STK39: variants seen among roughly 807,000 people sequenced by gnomAD.
STK39 encodes the protein serine/threonine kinase 39, also known as STE20/SPS1-related proline-alanine-rich protein kinase.
Under a neutral mutation model 77.8 loss-of-function variants are expected in STK39, and 20 were observed. The observed-to-expected ratio is 0.26, with a 90% CI of 0.18 to 0.37. The LOEUF is 0.37. Among genes scored for constraint, STK39 ranks in the 10% least tolerant of loss-of-function variants. The pLI, the probability that STK39 is intolerant of heterozygous loss-of-function variation, is 1.00. For synonymous variants in STK39, 246 were observed against 234.1 expected (o/e 1.05, Z -0.47); for missense variants, 479 against 656.5 (o/e 0.73, Z 2.95).
At chr2:168,061,941 G>A (rs1685676029) in intron 14 of STK39, among the ~76,000 whole-genome samples, 1 of 152,142 alleles carries the variant, frequency 6.6e-6, no homozygotes, top group African/African-American at 2.4e-5. Context: ...GAGAATTACA[G>A]CCCATAGGAG....
intron 14 of STK39, among the ~76,000 whole-genome samples, chr2:168,044,412 T>C (rs1685186418): frequency 6.6e-6 from 1 of 152,214 alleles, no homozygotes. Flanking sequence ...GGTGATTTAC[T>C]GAACATCATA....
At chr2:167,992,308 A>G (rs1248599278) in intron 16 of STK39, among the ~76,000 whole-genome samples, 1 of 152,044 alleles carries the variant, frequency 6.6e-6, no homozygotes, top group Non-Finnish European at 1.5e-5. Context: ...TTTGTTCAGC[A>G]GCTCCCCCAA....
At chr2:168,106,572 C>CTA (rs1686979524) in intron 10 of STK39, among the ~76,000 whole-genome samples, 1 of 152,166 alleles carries the variant, frequency 6.6e-6, no homozygotes, top group Admixed American at 6.5e-5. Flanking sequence ...ATAATCCCAG[C>CTA]ACTTTGGGAG....
At chr2:168,099,091 G>A (rs1335587523) in intron 10 of STK39, among the ~76,000 whole-genome samples, 1 of 152,220 alleles carries the variant, frequency 6.6e-6, no homozygotes, top group African/African-American at 2.4e-5. Flanking sequence ...CTCCAGCCAT[G>A]TGAGTGGCAA....
intron 16 of STK39, among the ~76,000 whole-genome samples, chr2:167,967,452 A>G (rs1346500877): frequency 6.6e-6 from 1 of 151,412 alleles, no homozygotes; most frequent in Non-Finnish European, 1.5e-5. Context: ...TTTTTTTTCT[A>G]TTTTTTTGTT....
intron 1 of STK39, among the ~76,000 whole-genome samples, chr2:168,203,705 G>A (rs757047099): frequency 2.6e-5 from 4 of 152,188 alleles, no homozygotes; most frequent in Non-Finnish European, 5.9e-5. Flanking sequence ...CAATTCTCCT[G>A]TCTCAGCCTC....
chr2:168,012,796 A>C, intron 15 of STK39, 94 bp from the exon 16 acceptor site: 9 of 992,782 alleles, frequency 9.1e-6, no homozygotes, highest in African/African-American at 1.7e-5. Context: ...ATTTACTAAA[A>C]TCGCCCATGA....
intron 1 of STK39, among the ~76,000 whole-genome samples, chr2:168,192,491 T>C (rs1272295557): frequency 6.6e-6 from 1 of 152,188 alleles, no homozygotes; most frequent in African/African-American, 2.4e-5. Flanking sequence ...ACTTTCCAAA[T>C]GTTCGCTCTG....
chr2:168,100,176 A>T lies in STK39; in HGVS notation c.1090-24945T>A, dbSNP rs142434750. ...ATTTCAAGGTTTATATTGCACTCAC[A>T]ATTGGGAAACTTGAAAATCATTACA... On this transcript the variant is annotated intron_variant, in intron 10 of 17. Coordinates refer to ENST00000355999, the MANE Select transcript of STK39 (RefSeq NM_013233.3). Among the ~76,000 whole-genome samples, 465 of 152,306 alleles carry T rather than the reference A, an allele frequency of 3.1e-3. 2 individuals are homozygous for T. The highest frequency in any genetic ancestry group is 0.01 in the African/African-American group (436 of 41,554).
chr2:168,175,999 T>TA (rs1462540398), intron 2 of STK39, among the ~76,000 whole-genome samples: 1 of 152,176 alleles, frequency 6.6e-6, no homozygotes, highest in Non-Finnish European at 1.5e-5. Flanking sequence ...ATCCTTAATA[T>TA]AAAAAACTCT....
At chr2:168,167,586 A>C (rs1454849530) in intron 2 of STK39, among the ~76,000 whole-genome samples, 179 bp from the exon 3 acceptor site, 1 of 152,114 alleles carries the variant, frequency 6.6e-6, no homozygotes, top group Non-Finnish European at 1.5e-5. Context: ...CACATTATCA[A>C]CTCAGATTAG....
chr2:168,135,945 T>C (rs955482555), intron 8 of STK39, among the ~76,000 whole-genome samples: 2 of 151,718 alleles, frequency 1.3e-5, no homozygotes, highest in Non-Finnish European at 2.9e-5. Flanking sequence ...AAGGAAAGAT[T>C]TGAAGATTTT....
chr2:168,136,602 A>C (rs2105522087), intron 8 of STK39, among the ~76,000 whole-genome samples: 1 of 152,316 alleles, frequency 6.6e-6, no homozygotes, highest in South Asian at 2.1e-4. Flanking sequence ...AAGAATCAGG[A>C]AGACCATCTA....
At chr2:167,992,136 A>G (rs192001531) in intron 16 of STK39, among the ~76,000 whole-genome samples, 5 of 152,334 alleles carry the variant, frequency 3.3e-5, no homozygotes, top group Admixed American at 2.6e-4. Context: ...CCTGGGAGAT[A>G]ACATAACTCA....
At chr2:168,225,277 G>A (rs985485684) in intron 1 of STK39, among the ~76,000 whole-genome samples, 1 of 106,818 alleles carries the variant, frequency 9.4e-6, no homozygotes, top group Non-Finnish European at 2.3e-5. Flanking sequence ...AATATCCATG[G>A]AGAAGATACT....
chr2:168,222,571 A>G (rs1394542090), intron 1 of STK39, among the ~76,000 whole-genome samples: 3 of 152,220 alleles, frequency 2.0e-5, no homozygotes, highest in African/African-American at 4.8e-5. Context: ...TGAAATGTTT[A>G]AGTGCTTAAG....
At chr2:168,118,234 GC>G (rs1403458617) in intron 10 of STK39, among the ~76,000 whole-genome samples, 1 of 152,032 alleles carries the variant, frequency 6.6e-6, no homozygotes. Context: ...ATGCACGCAA[GC>G]TTTTGGGAAA....
At chr2:167,999,552 C>G (rs948114754) in intron 16 of STK39, among the ~76,000 whole-genome samples, 8 of 152,080 alleles carry the variant, frequency 5.3e-5, no homozygotes, top group Admixed American at 1.3e-4. Context: ...AGCTCTGCCT[C>G]CTGGGTTCAC....
intron 14 of STK39, among the ~76,000 whole-genome samples, chr2:168,046,378 C>T (rs945980726): frequency 6.8e-6 from 1 of 147,294 alleles, no homozygotes; most frequent in African/African-American, 2.6e-5. Flanking sequence ...AAAAACAAAA[C>T]AAACAAACAA....
Sources: allele counts gnomAD v4.1 joint callset (sites outside exome capture counted in the v4.1 genomes callset), GRCh38; gene constraint gnomAD v4.1.1; transcripts MANE v1.5; gene names NCBI Gene and HGNC (gene_info 2026-07-23, HGNC 2026-07-21).